Variants in CADPS2 observed in about 807,000 individuals in gnomAD.
CADPS2 encodes calcium dependent secretion activator 2, also known as calcium-dependent secretion activator 2.
A neutral mutation model predicts 172.5 loss-of-function variants in CADPS2; 93 were observed. The ratio of observed to expected loss-of-function variants is 0.54; its 90% CI spans 0.46 to 0.64. CADPS2 has a LOEUF of 0.64. CADPS2 is among the 30% of genes least tolerant of loss of function. CADPS2 has a pLI of 0.00. For missense variants in CADPS2, 1,420 were observed against 1,565.9 expected, an observed-to-expected ratio of 0.91 and a Z score of 1.57; for synonymous variants, 546 against 555.2, an observed-to-expected ratio of 0.98 and a Z score of 0.23.
chr7:122,542,401 A>G (rs1322895515), intron 8 of CADPS2, among the ~76,000 whole-genome samples: 2 of 152,176 alleles, frequency 1.3e-5, no homozygotes, highest in African/African-American at 4.8e-5. Flanking sequence ...AAATGGCTAA[A>G]TCTTTGGGTA....
At position 122,447,543 on chromosome 7, in the gene CADPS2, A is replaced by ATTTTTTTTTTTTTTT. The variant is rs1159112244; in HGVS notation, c.2288+3816_2288+3830dup. Among the ~76,000 whole-genome samples, 786 of 89,772 alleles carry ATTTTTTTTTTTTTTT rather than the reference A, an allele frequency of 8.8e-3. 118 individuals are homozygous for ATTTTTTTTTTTTTTT. Among genetic ancestry groups the ATTTTTTTTTTTTTTT allele is most frequent in the Middle Eastern group, 0.029 (3 of 104 alleles). The allele number at this position is 89,772 out of a possible 152,430, so 58.9% of individuals were successfully genotyped here. A position where few individuals can be genotyped will look rare whatever the true frequency, so the allele number is the denominator to read the frequency against. ...CCATGTTGATTTCTTGTTTCGGGGAATTTTTTTTTTTTTTTTTTTTTTTTT... is the reference window on the plus strand; with the variant it reads ...CCATGTTGATTTCTTGTTTCGGGGAATTTTTTTTTTTTTTTTTTTTTTTTTTTTTTTTTTTTTTTT... On this transcript the variant is annotated intron_variant, in intron 15 of 29. Coordinates refer to ENST00000449022, the MANE Select transcript of CADPS2 (RefSeq NM_017954.11).
intron 27 of CADPS2, among the ~76,000 whole-genome samples, chr7:122,349,968 G>C (rs570887054): frequency 1.3e-5 from 2 of 152,240 alleles, no homozygotes; most frequent in East Asian, 3.9e-4. Context: ...CTGTCATGGT[G>C]CCTATTTAAC....
intron 14 of CADPS2, among the ~76,000 whole-genome samples, chr7:122,469,347 T>C (rs1380555963): frequency 1.3e-5 from 2 of 152,188 alleles, no homozygotes; most frequent in African/African-American, 4.8e-5. Context: ...TTTGTTTCAC[T>C]GAAACCTTCT....
At chr7:122,461,091 C>T (rs2054379711) in intron 14 of CADPS2, among the ~76,000 whole-genome samples, 1 of 152,126 alleles carries the variant, frequency 6.6e-6, no homozygotes, top group African/African-American at 2.4e-5. Context: ...TTACAAAGCC[C>T]AAAATAGTTG....
At chr7:122,405,073 C>T (rs2046474167) in intron 20 of CADPS2, among the ~76,000 whole-genome samples, 5 of 151,758 alleles carry the variant, frequency 3.3e-5, no homozygotes, top group Admixed American at 3.3e-4. Flanking sequence ...CAGAGTGAGA[C>T]TGCATCTCAA....
At chr7:122,741,997 T>C (rs754283467) in intron 1 of CADPS2, among the ~76,000 whole-genome samples, 1 of 152,156 alleles carries the variant, frequency 6.6e-6, no homozygotes, top group Non-Finnish European at 1.5e-5. Flanking sequence ...TGCCATAAAA[T>C]CACCATGTTA....
chr7:122,753,562 T>C (rs1355793501), intron 1 of CADPS2, among the ~76,000 whole-genome samples: 2 of 152,308 alleles, frequency 1.3e-5, no homozygotes, highest in East Asian at 3.9e-4. Flanking sequence ...AGTGATATTT[T>C]GGGAAAAGTA....
chr7:122,676,638 G>C, intron 2 of CADPS2: 1 of 1,471,818 alleles, frequency 6.8e-7, no homozygotes, highest in South Asian at 1.2e-5. Context: ...ATCAGCTCAA[G>C]TACCATCTGG....
intron 20 of CADPS2, 48 bp downstream of exon 20, chr7:122,407,492 C>T: frequency 6.4e-7 from 1 of 1,569,158 alleles, no homozygotes; most frequent in Non-Finnish European, 8.7e-7. Context: ...ATTCAACATT[C>T]TCCCACCCCT....
intron 9 of CADPS2, among the ~76,000 whole-genome samples, chr7:122,505,764 C>G (rs1432237489): frequency 6.6e-6 from 1 of 152,174 alleles, no homozygotes; most frequent in Non-Finnish European, 1.5e-5. Context: ...TTAATGCTAT[C>G]TTTTGGGCTC....
intron 2 of CADPS2, among the ~76,000 whole-genome samples, chr7:122,708,672 A>C (rs899265898): frequency 1.3e-5 from 2 of 151,410 alleles, no homozygotes; most frequent in African/African-American, 4.8e-5. Context: ...TTTAAATTGT[A>C]ATGGGCATAA....
At chr7:122,698,592 A>T (rs1265360081) in intron 2 of CADPS2, 1 of 1,613,686 alleles carries the variant, frequency 6.2e-7, no homozygotes, top group Non-Finnish European at 8.5e-7. Flanking sequence ...TGAAGGTACA[A>T]CCTCCCCGTT....
chr7:122,453,173 T>A lies in CADPS2; in HGVS notation c.2187-1698A>T, dbSNP rs138335164. ...TATGCAAAATAATATATCGACCACATTTATTCCATCTGAATGCATTTTGAA... is the reference window on the plus strand; with the variant it reads ...TATGCAAAATAATATATCGACCACAATTATTCCATCTGAATGCATTTTGAA... On this transcript the variant is annotated intron_variant, in intron 14 of 29. Coordinates refer to ENST00000449022, the MANE Select transcript of CADPS2 (RefSeq NM_017954.11). Among the ~76,000 whole-genome samples the A allele has an allele frequency of 4.0e-3, 608 of 152,276 alleles. 7 individuals carry two copies. Among genetic ancestry groups the A allele is most frequent in the African/African-American group, 0.014 (568 of 41,554 alleles).
chr7:122,809,287 C>G (rs1232637726), intron 1 of CADPS2, among the ~76,000 whole-genome samples: 1 of 151,936 alleles, frequency 6.6e-6, no homozygotes, highest in East Asian at 1.9e-4. Flanking sequence ...TAGACTGCCT[C>G]AGCCGGGCGC....
chr7:122,490,766 AT>A (rs1163494325), intron 10 of CADPS2, among the ~76,000 whole-genome samples: 2 of 152,112 alleles, frequency 1.3e-5, no homozygotes, highest in Non-Finnish European at 2.9e-5. Context: ...ATAAATTTCT[AT>A]TTCTTAATCT....
intron 5 of CADPS2, among the ~76,000 whole-genome samples, chr7:122,618,559 T>A (rs969167873): frequency 6.6e-6 from 1 of 152,060 alleles, no homozygotes; most frequent in African/African-American, 2.4e-5. Flanking sequence ...GAGGAGAGTT[T>A]TTCAAATCTG....
chr7:122,786,437 T>C (rs1204294843), intron 1 of CADPS2, among the ~76,000 whole-genome samples: 1 of 152,222 alleles, frequency 6.6e-6, no homozygotes, highest in Non-Finnish European at 1.5e-5. Flanking sequence ...AAATTATAGA[T>C]GTTCAGCTGG....
chr7:122,691,943 C>A (rs1356608494), intron 2 of CADPS2, among the ~76,000 whole-genome samples: 1 of 152,198 alleles, frequency 6.6e-6, no homozygotes, highest in Non-Finnish European at 1.5e-5. Flanking sequence ...GTCTTCATAA[C>A]CATTAATAAA....
rs1824359666 is a variant in CADPS2, at chr7:122,886,257, G to A, written c.81C>T (p.Gly27=). 6.7e-7 allele frequency: 1 copy of A among 1,499,874 alleles called. No individual in the cohort carries two copies. The highest frequency in any genetic ancestry group is 8.8e-7 in the Non-Finnish European group (1 of 1,132,646). The allele number at this position is 1,499,874 out of a possible 1,614,324, so 92.9% of individuals were successfully genotyped here. A position where few individuals can be genotyped will look rare whatever the true frequency, so the allele number is the denominator to read the frequency against. Reference sequence around the variant, plus strand: ...GGGCTGGAGGAGCTCGCTGCGAGCTGCCGGCTGCCACCAGCACATCGCGGC... The same window carrying A: ...GGGCTGGAGGAGCTCGCTGCGAGCTACCGGCTGCCACCAGCACATCGCGGC... ...EESRDVLVAA[G]SSQRAPPAPT... is the part of the protein sequence containing the mutation. Residue 27 remains glycine (G), a synonymous_variant, in exon 1 of 30, where the codon GGC becomes GGT. Coordinates refer to ENST00000449022, the MANE Select transcript of CADPS2 (RefSeq NM_017954.11).
Sources: allele counts gnomAD v4.1 joint callset (sites outside exome capture counted in the v4.1 genomes callset), GRCh38; gene constraint gnomAD v4.1.1; transcripts MANE v1.5; gene names NCBI Gene and HGNC (gene_info 2026-07-23, HGNC 2026-07-21).